The following MIER1 variants were observed in gnomAD, a reference collection of about 807,000 sequenced individuals.
The protein encoded by MIER1 is mesoderm induction early response protein 1.
MIER1 carries 40 observed loss-of-function variants against 75.7 expected under a neutral mutation model. The ratio of observed to expected loss-of-function variants is 0.53; its 90% confidence interval spans 0.41 to 0.69. The LOEUF (loss-of-function observed/expected upper bound fraction) is 0.69, where lower values mean the gene tolerates loss of function less well. Ranked by LOEUF, MIER1 falls within the 30% of genes least tolerant of loss-of-function variation. MIER1 has a pLI of 0.00. For missense variants in MIER1, 574 were observed against 680.2 expected (o/e 0.84, Z 1.74); for synonymous variants, 213 against 223.4 (o/e 0.95, Z 0.42).
At chr1:66,931,252 C>T (rs893972521) in intron 2 of MIER1, among the ~76,000 whole-genome samples, 6 of 152,130 alleles carry the variant, frequency 3.9e-5, no homozygotes, top group African/African-American at 1.4e-4. Context: ...ATTTATTAAT[C>T]GGAACTAAGT....
At chr1:66,979,435 A>G (rs183138996) in intron 12 of MIER1, among the ~76,000 whole-genome samples, 2 of 152,324 alleles carry the variant, frequency 1.3e-5, no homozygotes, top group Admixed American at 1.3e-4. Context: ...TTCTGCCTAC[A>G]AACAGCCTTT....
At position 66,984,657 on chromosome 1, in the gene MIER1, A is replaced by C. The variant is rs199798096; in HGVS notation, c.1455A>C (p.Gly485=). ...EGLHINGPTG[G]NKKPLHADMD... Reference sequence around the variant, plus strand: ...TACACATTAATGGACCAACAGGTGGAAATAAGAAACCACTTCATGCAGATA... The same window carrying C: ...TACACATTAATGGACCAACAGGTGGCAATAAGAAACCACTTCATGCAGATA... The change falls in exon 14 of 14, where the codon GGA becomes GGC. Residue 485 remains glycine, a synonymous_variant. Coordinates refer to ENST00000401041, the MANE Select transcript of MIER1 (RefSeq NM_001077700.3). 2.1e-4 allele frequency: 342 copies of C among 1,613,830 alleles called. No individual in the cohort carries two copies. Among genetic ancestry groups the C allele is most frequent in the Admixed American group, 9.8e-4 (59 of 59,994 alleles).
At chr1:66,974,620 G>A (rs1477289836) in intron 11 of MIER1, among the ~76,000 whole-genome samples, 1 of 151,982 alleles carries the variant, frequency 6.6e-6, no homozygotes, top group Non-Finnish European at 1.5e-5. Context: ...GAAACTTAGA[G>A]CCAAGTAACA....
At chr1:66,926,066 C>G in intron 1 of MIER1, 76 bp from the exon 2 acceptor site, 2 of 1,165,968 alleles carry the variant, frequency 1.7e-6, no homozygotes, top group South Asian at 2.5e-5. Context: ...TTTAAAAATG[C>G]GAAACAGGGT....
intron 2 of MIER1, among the ~76,000 whole-genome samples, chr1:66,932,397 G>A (rs1019085403): frequency 6.6e-6 from 1 of 152,144 alleles, no homozygotes; most frequent in Non-Finnish European, 1.5e-5. Flanking sequence ...TCAGTTACTT[G>A]TAGATAGTTT....
chr1:66,946,479 T>A, intron 4 of MIER1, 184 bp downstream of exon 4: 1 of 1,322,544 alleles, frequency 7.6e-7, no homozygotes, highest in Non-Finnish European at 9.6e-7. Context: ...ACAATAACTT[T>A]ATTATGTGCA....
chr1:66,936,308 C>G (rs774482851), intron 2 of MIER1, among the ~76,000 whole-genome samples: 1 of 151,724 alleles, frequency 6.6e-6, no homozygotes, highest in African/African-American at 2.4e-5. Context: ...CTGCAACCTC[C>G]GCCTCCTGGG....
intron 2 of MIER1, among the ~76,000 whole-genome samples, chr1:66,936,369 G>A (rs921133853): frequency 2.7e-5 from 4 of 150,922 alleles, no homozygotes; most frequent in Admixed American, 2.6e-4. Flanking sequence ...ACAGGCGCCC[G>A]CCACCAAATT....
chr1:66,986,685 A>G lies in MIER1; in HGVS notation c.*1785A>G. 2.0e-6 allele frequency: 1 copy of G among 489,516 alleles called. No individual in the cohort carries two copies. The highest frequency in any genetic ancestry group is 3.5e-5 in the South Asian group (1 of 28,620). 30.3% of individuals were successfully genotyped at this position (489,516 alleles called of 1,614,324 possible). On this transcript the variant is annotated 3_prime_UTR_variant, in exon 14 of 14. Coordinates refer to ENST00000401041, the MANE Select transcript of MIER1 (RefSeq NM_001077700.3). ...CTTGACTTCATCTTAATGTACATTC[A>G]CTGTTGTTACATACATATCTAAGTA...
chr1:66,976,909 A>T (rs1326600012), intron 12 of MIER1, among the ~76,000 whole-genome samples, 187 bp downstream of exon 12: 1 of 152,204 alleles, frequency 6.6e-6, no homozygotes, highest in African/African-American at 2.4e-5. Context: ...ATCTTCATAA[A>T]TAAGGCATTT....
At chr1:66,954,708 CTT>C (rs879925906) in intron 4 of MIER1, among the ~76,000 whole-genome samples, 2 of 145,042 alleles carry the variant, frequency 1.4e-5, no homozygotes. Context: ...TTTCTTTTTC[CTT>C]TTTTTTTTTT....
intron 2 of MIER1, among the ~76,000 whole-genome samples, chr1:66,938,422 A>G (rs1213017817): frequency 6.6e-6 from 1 of 152,174 alleles, no homozygotes; most frequent in Non-Finnish European, 1.5e-5. Context: ...TTAGATGAAG[A>G]TGATCATTAA....
At chr1:66,958,279 G>T in intron 5 of MIER1, 59 bp downstream of exon 5, 9 of 1,198,826 alleles carry the variant, frequency 7.5e-6, no homozygotes, top group South Asian at 6.5e-5. Context: ...AGTTAAAATT[G>T]CTTAATATAT....
chr1:66,986,090 C>T lies in MIER1; in HGVS notation c.*1190C>T. 1 of 1,064,108 alleles carries T rather than the reference C, an allele frequency of 9.4e-7. No homozygotes were observed. Among genetic ancestry groups the T allele is most frequent in the Non-Finnish European group, 1.1e-6 (1 of 880,470 alleles). 65.9% of individuals were successfully genotyped at this position (1,064,108 alleles called of 1,614,324 possible). A position where few individuals can be genotyped will look rare whatever the true frequency, so the allele number is the denominator to read the frequency against. On this transcript the variant is annotated 3_prime_UTR_variant, in exon 14 of 14. Coordinates refer to ENST00000401041, the MANE Select transcript of MIER1 (RefSeq NM_001077700.3). ...CAAGTGATACTTAGATATTGGCACA[C>T]ACAAGGAACAACTGTTGGCAGGCAG...
intron 1 of MIER1, 78 bp from the exon 2 acceptor site, chr1:66,926,064 T>G (rs1013397009): frequency 8.7e-7 from 1 of 1,144,322 alleles, no homozygotes; most frequent in African/African-American, 1.5e-5. Flanking sequence ...TTTTTAAAAA[T>G]GCGAAACAGG....
intron 8 of MIER1, among the ~76,000 whole-genome samples, chr1:66,963,665 T>G (rs1465008222): frequency 6.6e-6 from 1 of 152,150 alleles, no homozygotes; most frequent in Non-Finnish European, 1.5e-5. Flanking sequence ...ATCCCAGCAC[T>G]TTGGGAGGCT....
At chr1:66,939,121 A>C (rs555189667) in intron 2 of MIER1, among the ~76,000 whole-genome samples, 1 of 152,240 alleles carries the variant, frequency 6.6e-6, no homozygotes, top group South Asian at 2.1e-4. Flanking sequence ...TCTAATGGGC[A>C]TGAAATAGAT....
rs150870135 is a variant in MIER1, at chr1:66,985,814, AT to A, written c.*937del. On this transcript the variant is annotated 3_prime_UTR_variant, in exon 14 of 14. Coordinates refer to ENST00000401041, the MANE Select transcript of MIER1 (RefSeq NM_001077700.3). ...TAAAGCATTCATAAAGGATTATAAA[AT>A]TTTTTTTTTTTTTTTTTTTTTTAAA... The A allele has an allele frequency of 0.15, 91,014 of 616,658 alleles. 247 individuals carry two copies. Among genetic ancestry groups the A allele is most frequent in the Non-Finnish European group, 0.16 (79,886 of 504,932 alleles). The allele number at this position is 616,658 out of a possible 1,614,324, so 38.2% of individuals were successfully genotyped here. A position where few individuals can be genotyped will look rare whatever the true frequency, so the allele number is the denominator to read the frequency against.
intron 8 of MIER1, among the ~76,000 whole-genome samples, chr1:66,966,641 C>G (rs1662469415): frequency 6.6e-6 from 1 of 152,206 alleles, no homozygotes; most frequent in African/African-American, 2.4e-5. Context: ...AACTAGTTCA[C>G]AGTCCCACCA....
Sources: gnomAD v4.1 joint callset for allele counts (sites outside exome capture counted in the v4.1 genomes callset) on GRCh38, gnomAD v4.1.1 for gene constraint, MANE v1.5 for transcripts, NCBI Gene and HGNC (gene_info 2026-07-23, HGNC 2026-07-21) for gene names.